The following ZBTB20 variants were observed in gnomAD, a reference collection of about 807,000 sequenced individuals.
ZBTB20 encodes the protein zinc finger and BTB domain containing 20.
Under a neutral mutation model 56.9 loss-of-function variants are expected in ZBTB20, and 9 were observed. That is an observed-to-expected ratio of 0.16 (90% CI 0.10 to 0.28). The LOEUF (loss-of-function observed/expected upper bound fraction) is 0.28. Among genes scored for constraint, ZBTB20 ranks in the 10% least tolerant of loss-of-function variants. The probability of loss-of-function intolerance (pLI) is 1.00; values close to 1 mark genes in which losing one functional copy is unlikely to be tolerated. For synonymous variants in ZBTB20, 417 were observed against 420.7 expected (o/e 0.99, Z 0.11); for missense variants, 655 against 1,003.0 (o/e 0.65, Z 4.69).
At chr3:114,697,490 A>G (rs1004433915) in intron 5 of ZBTB20, among the ~76,000 whole-genome samples, 13 of 151,938 alleles carry the variant, frequency 8.6e-5, no homozygotes, top group Non-Finnish European at 8.8e-5. Flanking sequence ...CCTTTTAAAC[A>G]GTCTGAGAAA....
chr3:114,786,149 A>G (rs1370816838), intron 5 of ZBTB20, among the ~76,000 whole-genome samples: 2 of 150,782 alleles, frequency 1.3e-5, no homozygotes, highest in African/African-American at 2.4e-5. Flanking sequence ...TTTCTTTTTT[A>G]ATTATTATTA....
intron 7 of ZBTB20, among the ~76,000 whole-genome samples, chr3:114,443,258 A>G (rs151105431): frequency 3.5e-4 from 54 of 152,296 alleles, no homozygotes; most frequent in African/African-American, 1.3e-3. Flanking sequence ...ATTAAATTCG[A>G]TATCTTGACC....
chr3:114,897,905 C>T (rs981570809), intron 4 of ZBTB20, among the ~76,000 whole-genome samples: 4 of 152,072 alleles, frequency 2.6e-5, no homozygotes, highest in African/African-American at 7.2e-5. Context: ...TCTTATGTGA[C>T]GGGCTTATGC....
chr3:114,997,773 G>A (rs778806789), intron 2 of ZBTB20, among the ~76,000 whole-genome samples: 5 of 151,720 alleles, frequency 3.3e-5, no homozygotes, highest in Non-Finnish European at 7.4e-5. Flanking sequence ...TTCATGAAAA[G>A]AGGATACCAC....
rs13088092 is a variant in ZBTB20 at position 114,788,515 on chromosome 3, C to A, written c.-343+12586G>T. 8.7e-3 allele frequency among the ~76,000 whole-genome samples: 1,328 copies of A among 152,204 alleles called. 11 individuals are homozygous for A. The highest frequency in any genetic ancestry group is 0.015 in the Non-Finnish European group (998 of 68,014). ...TTTCTTTTTAAGGAGGAATAATATTCCATTCTATGTATGGACCACATTTTG... is the reference window on the plus strand; with the variant it reads ...TTTCTTTTTAAGGAGGAATAATATTACATTCTATGTATGGACCACATTTTG... On this transcript the variant is annotated intron_variant, in intron 5 of 11. Coordinates refer to ENST00000675478, the MANE Select transcript of ZBTB20 (RefSeq NM_001348800.3).
At chr3:115,044,577 T>C (rs1185733438) in intron 2 of ZBTB20, among the ~76,000 whole-genome samples, 17 of 152,204 alleles carry the variant, frequency 1.1e-4, no homozygotes, top group Non-Finnish European at 2.4e-4. Flanking sequence ...AAATTGGTTA[T>C]TATCTATATC....
chr3:114,416,491 G>A lies in ZBTB20; in HGVS notation c.-254-27386C>T, dbSNP rs139241681. Among the ~76,000 whole-genome samples the A allele has an allele frequency of 7.3e-3, 1,114 of 152,166 alleles. 6 individuals are homozygous for A. The highest frequency in any genetic ancestry group is 0.017 in the Middle Eastern group (5 of 294). On this transcript the variant is annotated intron_variant, in intron 7 of 11. Coordinates refer to ENST00000675478, the MANE Select transcript of ZBTB20 (RefSeq NM_001348800.3). ...TTGTTTTGGTTTTGCTTCCATGAGT[G>A]TATTGTATCCCCCACTTTCTCCCCT...
At chr3:114,387,825 G>A (rs1396727971) in intron 8 of ZBTB20, 2 of 152,174 alleles carry the variant, frequency 1.3e-5, no homozygotes, top group Non-Finnish European at 2.9e-5. Context: ...TTGATCTTCT[G>A]TCATGTCTTT....
chr3:114,900,846 G>A (rs566267491), intron 3 of ZBTB20, among the ~76,000 whole-genome samples: 4 of 152,198 alleles, frequency 2.6e-5, no homozygotes, highest in African/African-American at 7.2e-5. Context: ...TTGAATGTTC[G>A]TTAACTTTGA....
intron 1 of ZBTB20, among the ~76,000 whole-genome samples, chr3:115,136,370 T>C (rs2084653073): frequency 6.6e-6 from 1 of 152,068 alleles, no homozygotes. Context: ...CAAAAAAGCC[T>C]GATCAACATT....
intron 4 of ZBTB20, among the ~76,000 whole-genome samples, chr3:114,845,361 T>A (rs1403410095): frequency 6.8e-6 from 1 of 147,852 alleles, no homozygotes; most frequent in Non-Finnish European, 1.5e-5. Flanking sequence ...GTATGAAGTT[T>A]GATCGATACA....
chr3:114,472,156 C>T (rs2040203166), intron 7 of ZBTB20, among the ~76,000 whole-genome samples: 1 of 152,196 alleles, frequency 6.6e-6, no homozygotes, highest in African/African-American at 2.4e-5. Context: ...AGCCAGTGTA[C>T]AGACAAAATC....
intron 1 of ZBTB20, among the ~76,000 whole-genome samples, chr3:115,073,227 T>C (rs1407089566): frequency 3.3e-5 from 5 of 152,226 alleles, no homozygotes; most frequent in South Asian, 2.1e-4. Flanking sequence ...CAAAAGATTA[T>C]GTCAAAGTGA....
chr3:114,960,818 T>C (rs573366059), intron 3 of ZBTB20, among the ~76,000 whole-genome samples: 2 of 152,028 alleles, frequency 1.3e-5, no homozygotes, highest in East Asian at 3.9e-4. Flanking sequence ...GCAAAGGACA[T>C]AGTGAGGATA....
intron 6 of ZBTB20, among the ~76,000 whole-genome samples, chr3:114,511,100 T>C (rs1375932298): frequency 7.7e-6 from 1 of 129,350 alleles, no homozygotes; most frequent in East Asian, 2.3e-4. Context: ...GTCCACATGC[T>C]AAAAAAAAAA....
intron 7 of ZBTB20, among the ~76,000 whole-genome samples, chr3:114,453,000 A>T (rs891551978): frequency 4.6e-5 from 7 of 152,190 alleles, no homozygotes; most frequent in African/African-American, 1.7e-4. Flanking sequence ...TGGGTTTACA[A>T]ATCCAGGATA....
chr3:114,388,316 T>C (rs900382415), intron 8 of ZBTB20: 7 of 151,920 alleles, frequency 4.6e-5, no homozygotes, highest in Non-Finnish European at 4.4e-5. Context: ...AATGAATACT[T>C]GATATCAAAC....
intron 7 of ZBTB20, among the ~76,000 whole-genome samples, chr3:114,448,566 G>T (rs2091412911): frequency 1.3e-5 from 2 of 152,026 alleles, no homozygotes; most frequent in Admixed American, 1.3e-4. Context: ...TACTGAAGAT[G>T]TATAGATATC....
intron 6 of ZBTB20, among the ~76,000 whole-genome samples, chr3:114,538,077 C>T (rs2048692869): frequency 6.6e-6 from 1 of 151,998 alleles, no homozygotes; most frequent in South Asian, 2.1e-4. Flanking sequence ...CATGTGTATA[C>T]CTATGTAACA....
Sources: gnomAD v4.1 joint callset for allele counts (sites outside exome capture counted in the v4.1 genomes callset) on GRCh38, gnomAD v4.1.1 for gene constraint, MANE v1.5 for transcripts, NCBI Gene and HGNC (gene_info 2026-07-23, HGNC 2026-07-21) for gene names.